The following NR3C1 variants were observed in gnomAD, a reference collection of about 807,000 sequenced individuals.
NR3C1 encodes the protein nuclear receptor subfamily 3 group C member 1, also known as glucocorticoid receptor.
NR3C1 carries 14 observed loss-of-function variants against 74.0 expected under a neutral mutation model. The observed-to-expected ratio is 0.19, with a 90% CI of 0.12 to 0.30. The LOEUF (loss-of-function observed/expected upper bound fraction) is 0.30, where lower values mean the gene tolerates loss of function less well. Among genes scored for constraint, NR3C1 ranks in the 10% least tolerant of loss-of-function variants. The pLI is 1.00. For missense variants in NR3C1, 695 were observed against 909.8 expected (o/e 0.76, Z 3.04); for synonymous variants, 308 against 332.5 (o/e 0.93, Z 0.80).
intron 4 of NR3C1, among the ~76,000 whole-genome samples, chr5:143,307,679 A>G (rs548785677): frequency 6.6e-6 from 1 of 152,328 alleles, no homozygotes; most frequent in Non-Finnish European, 1.5e-5. Flanking sequence ...GAAAAAATGA[A>G]GATTAGAGAT....
Position 143,300,800 on chromosome 5 carries a change from TAATGGGAAG to T in NR3C1, c.1469-46_1469-38del. 1 of 1,588,082 alleles carries T rather than the reference TAATGGGAAG, an allele frequency of 6.3e-7. No individual in the cohort carries two copies. Among genetic ancestry groups the T allele is most frequent in the Non-Finnish European group, 8.6e-7 (1 of 1,158,338 alleles). On this transcript the variant is annotated intron_variant, in intron 4 of 8. Coordinates refer to ENST00000394464, the MANE Select transcript of NR3C1 (RefSeq NM_000176.3). This position sits in a 1 kb window ranked among gnomAD's most constrained non-coding sequence, Gnocchi z 5.2. The stretch of plus-strand genomic sequence containing the variant: ...TAAACAAATACATAGAAATGAACTG[TAATGGGAAG>T]GTCTGCGCTACACAGTTTATTCAAG...
In NR3C1 at chr5:143,379,035, T is replaced by C. The variant is rs10042644; in HGVS notation, c.1184+20621A>G. Among the ~76,000 whole-genome samples, 826 of 152,312 alleles carry C rather than the reference T, an allele frequency of 5.4e-3. 5 individuals carry two copies. Among genetic ancestry groups the C allele is most frequent in the East Asian group, 0.022 (116 of 5,180 alleles). Reference sequence around the variant, plus strand: ...TACCCCAAGGAGACTTTTGGATTTGTATCTCTTAACTCTGAGCCTCAACCA... The same window carrying C: ...TACCCCAAGGAGACTTTTGGATTTGCATCTCTTAACTCTGAGCCTCAACCA... On this transcript the variant is annotated intron_variant, in intron 2 of 8. Coordinates refer to ENST00000394464, the MANE Select transcript of NR3C1 (RefSeq NM_000176.3).
chr5:143,427,719 A>G (rs755216620), intron 1 of NR3C1, among the ~76,000 whole-genome samples: 1 of 152,168 alleles, frequency 6.6e-6, no homozygotes, highest in African/African-American at 2.4e-5. Context: ...CCTTCTGAAC[A>G]TGTCTCCTAT....
intron 2 of NR3C1, among the ~76,000 whole-genome samples, chr5:143,316,008 T>C (rs1215186331): frequency 1.3e-5 from 2 of 152,198 alleles, no homozygotes; most frequent in Non-Finnish European, 2.9e-5. Flanking sequence ...GAAGAATTTG[T>C]AGATGCTTCC....
chr5:143,287,297 G>C (rs1814720941), intron 7 of NR3C1, among the ~76,000 whole-genome samples: 2 of 151,860 alleles, frequency 1.3e-5, no homozygotes, highest in African/African-American at 4.8e-5. Context: ...TAACTAGACT[G>C]ACCATGAAAA....
intron 7 of NR3C1, among the ~76,000 whole-genome samples, chr5:143,287,189 A>G (rs1814690144): frequency 6.6e-6 from 1 of 152,100 alleles, no homozygotes; most frequent in South Asian, 2.1e-4. Flanking sequence ...ATAATAATCA[A>G]TGACATAGGA....
chr5:143,345,572 A>G (rs1363926694), intron 2 of NR3C1, among the ~76,000 whole-genome samples: 1 of 152,222 alleles, frequency 6.6e-6, no homozygotes, highest in Non-Finnish European at 1.5e-5. Context: ...GCATGACAAT[A>G]AACAGTGCAG....
chr5:143,352,154 C>T (rs760088119), intron 2 of NR3C1, among the ~76,000 whole-genome samples: 7 of 151,998 alleles, frequency 4.6e-5, no homozygotes, highest in African/African-American at 7.2e-5. Context: ...ACACACAATG[C>T]GGTATGCTGA....
chr5:143,308,011 A>C (rs775416315), intron 4 of NR3C1, among the ~76,000 whole-genome samples: 7 of 152,240 alleles, frequency 4.6e-5, no homozygotes, highest in Non-Finnish European at 7.3e-5. Context: ...CTCTGCAGTT[A>C]AGTTTAAATA....
intron 2 of NR3C1, among the ~76,000 whole-genome samples, chr5:143,346,633 AAAT>A (rs1167353965): frequency 2.0e-5 from 3 of 152,210 alleles, no homozygotes; most frequent in African/African-American, 7.2e-5. Context: ...ATCGCCACCA[AAAT>A]AATGTTTATA....
chr5:143,292,376 T>A (rs183582016), intron 7 of NR3C1, among the ~76,000 whole-genome samples: 8 of 152,166 alleles, frequency 5.3e-5, no homozygotes, highest in Middle Eastern at 3.4e-3. Flanking sequence ...TGGGTCTGAA[T>A]CCCTGGGCTG....
chr5:143,320,228 T>G (rs1261172232), intron 2 of NR3C1, among the ~76,000 whole-genome samples: 1 of 152,248 alleles, frequency 6.6e-6, no homozygotes, highest in Non-Finnish European at 1.5e-5. Flanking sequence ...GGGGAAACCT[T>G]TCACAATATT....
intron 7 of NR3C1, among the ~76,000 whole-genome samples, chr5:143,283,883 A>C (rs568559381): frequency 6.6e-6 from 1 of 152,304 alleles, no homozygotes; most frequent in South Asian, 2.1e-4. Context: ...TGGTGGTCAA[A>C]GTTTGAGAAA....
chr5:143,413,850 G>A (rs1275909199), intron 1 of NR3C1, among the ~76,000 whole-genome samples: 2 of 152,162 alleles, frequency 1.3e-5, no homozygotes, highest in Non-Finnish European at 2.9e-5. Context: ...AGAGAGAAGA[G>A]GAGGTGCTTC....
chr5:143,357,080 C>T (rs1282153572), intron 2 of NR3C1, among the ~76,000 whole-genome samples: 1 of 152,154 alleles, frequency 6.6e-6, no homozygotes, highest in Admixed American at 6.5e-5. Context: ...TACTTCCTCA[C>T]CTCTTCAGTG....
intron 1 of NR3C1, among the ~76,000 whole-genome samples, chr5:143,423,797 C>T (rs1308374181): frequency 6.6e-6 from 1 of 152,076 alleles, no homozygotes; most frequent in Non-Finnish European, 1.5e-5. Flanking sequence ...GAAATTATGT[C>T]TCTTTCATCA....
chr5:143,403,643 C>A lies in NR3C1; in HGVS notation c.-446G>T. ...CGGACACGCGAAAGGGCAGCCCGGCCTGGGCGAGCGAGCGGGACCGAGCGG... is the reference window on the plus strand; with the variant it reads ...CGGACACGCGAAAGGGCAGCCCGGCATGGGCGAGCGAGCGGGACCGAGCGG... On this transcript the variant is annotated 5_prime_UTR_variant, in exon 1 of 9. In the 5' UTR this introduces an upstream ATG that the reference lacks. Coordinates refer to ENST00000394464, the MANE Select transcript of NR3C1 (RefSeq NM_000176.3). 1.0e-6 allele frequency: 1 copy of A among 986,006 alleles called. No homozygotes were observed. The highest frequency in any genetic ancestry group is 1.7e-5 in the African/African-American group (1 of 57,354). The allele number at this position is 986,006 out of a possible 1,614,324, so 61.1% of individuals were successfully genotyped here.
At chr5:143,384,925 C>A (rs530243391) in intron 2 of NR3C1, among the ~76,000 whole-genome samples, 4 of 152,324 alleles carry the variant, frequency 2.6e-5, no homozygotes, top group Non-Finnish European at 5.9e-5. Flanking sequence ...CTCTGCACTG[C>A]CCTAGCAGAG....
chr5:143,398,353 T>TTGG (rs1180178623), intron 2 of NR3C1, among the ~76,000 whole-genome samples: 2 of 116,490 alleles, frequency 1.7e-5, no homozygotes, highest in Non-Finnish European at 4.1e-5. Flanking sequence ...CCAAGGTTTT[T>TTGG]TGGTTTTTTT....
Sources: gnomAD v4.1 joint callset for allele counts (sites outside exome capture counted in the v4.1 genomes callset) on GRCh38, gnomAD v4.1.1 for gene constraint, Gnocchi (gnomAD v3.1) non-coding constraint, MANE v1.5 for transcripts, NCBI Gene and HGNC (gene_info 2026-07-23, HGNC 2026-07-21) for gene names.